Variants in PRKG1 observed in about 807,000 individuals in gnomAD.
PRKG1 encodes cGMP-dependent protein kinase 1.
A neutral mutation model predicts 88.1 loss-of-function variants in PRKG1; 35 were observed. The ratio of observed to expected loss-of-function variants is 0.40; its 90% CI spans 0.30 to 0.53. PRKG1 has a LOEUF of 0.53. PRKG1 is among the 20% of genes least tolerant of loss of function. The pLI, the probability that PRKG1 is intolerant of heterozygous loss-of-function variation, is 0.59. For missense variants in PRKG1, 540 were observed against 839.8 expected, an observed-to-expected ratio of 0.64 and a Z score of 4.41; for synonymous variants, 303 against 292.5, an observed-to-expected ratio of 1.04 and a Z score of -0.37.
At chr10:52,069,618 TTTGA>T (rs1846445310) in intron 7 of PRKG1, among the ~76,000 whole-genome samples, 1 of 152,190 alleles carries the variant, frequency 6.6e-6, no homozygotes, top group African/African-American at 2.4e-5. Context: ...CATATTTGAA[TTTGA>T]TTATTATTTA....
At chr10:51,887,670 C>T (rs1336650389) in intron 4 of PRKG1, among the ~76,000 whole-genome samples, 2 of 152,134 alleles carry the variant, frequency 1.3e-5, no homozygotes, top group Admixed American at 1.3e-4. Context: ...TTTAATTTTT[C>T]CAATAAGTTA....
At chr10:52,069,911 C>T (rs1366601918) in intron 7 of PRKG1, among the ~76,000 whole-genome samples, 2 of 150,992 alleles carry the variant, frequency 1.3e-5, no homozygotes, top group Non-Finnish European at 3.0e-5. Flanking sequence ...TATGTCATTC[C>T]TTCGTTTAGA....
rs1376381103 is a variant in PRKG1, at chr10:52,297,682, C to A, written c.*3782C>A. ...ATACAGGTATTCCTGTTTTGCTAAG[C>A]TGTGCAGATTCTGTAAAAATAAATT... On this transcript the variant is annotated 3_prime_UTR_variant, in exon 18 of 18. Coordinates refer to ENST00000373980, the MANE Select transcript of PRKG1 (RefSeq NM_006258.4). 3.3e-5 allele frequency: 5 copies of A among 152,114 alleles called. No homozygotes were observed. Among genetic ancestry groups the A allele is most frequent in the Admixed American group, 2.0e-4 (3 of 15,252 alleles). The allele number at this position is 152,114 out of a possible 1,614,324, so 9.4% of individuals were successfully genotyped here.
chr10:51,668,957 T>A (rs1436145132), intron 3 of PRKG1, among the ~76,000 whole-genome samples: 1 of 152,176 alleles, frequency 6.6e-6, no homozygotes, highest in Non-Finnish European at 1.5e-5. Context: ...CAAAATAATA[T>A]TTTATATCAG....
intron 3 of PRKG1, among the ~76,000 whole-genome samples, chr10:51,556,541 A>T (rs1238978840): frequency 6.6e-6 from 1 of 152,040 alleles, no homozygotes; most frequent in Non-Finnish European, 1.5e-5. Context: ...ATCACAGAAT[A>T]CTATATAGCC....
At chr10:51,798,278 G>T (rs376573310) in intron 3 of PRKG1, among the ~76,000 whole-genome samples, 3 of 151,912 alleles carry the variant, frequency 2.0e-5, no homozygotes, top group East Asian at 1.9e-4. Flanking sequence ...ATGCACAAGG[G>T]TTCCAATTTA....
intron 5 of PRKG1, among the ~76,000 whole-genome samples, chr10:51,932,036 A>G (rs1291183523): frequency 6.6e-6 from 1 of 152,138 alleles, no homozygotes; most frequent in African/African-American, 2.4e-5. Context: ...CTAATATGGA[A>G]ATTTAGCTGG....
intron 3 of PRKG1, 177 bp downstream of exon 3, chr10:51,468,013 C>G (rs986505637): frequency 5.2e-6 from 3 of 575,240 alleles, no homozygotes; most frequent in African/African-American, 3.7e-5. Flanking sequence ...TGTTAACAAT[C>G]AGTTTTGTAT....
intron 2 of PRKG1, among the ~76,000 whole-genome samples, chr10:51,417,971 G>A (rs931795219): frequency 5.3e-5 from 8 of 152,106 alleles, no homozygotes; most frequent in Non-Finnish European, 1.0e-4. Flanking sequence ...CATGTTTTAC[G>A]TTAACCTCCC....
chr10:51,861,100 C>T (rs1483075115), intron 4 of PRKG1, among the ~76,000 whole-genome samples: 1 of 152,094 alleles, frequency 6.6e-6, no homozygotes, highest in African/African-American at 2.4e-5. Flanking sequence ...ACCCATTTTA[C>T]AGGTGAGGGA....
At chr10:51,204,082 C>T (rs1455004513) in intron 2 of PRKG1, among the ~76,000 whole-genome samples, 1 of 152,124 alleles carries the variant, frequency 6.6e-6, no homozygotes, top group Non-Finnish European at 1.5e-5. Context: ...GACTTTAGTA[C>T]CTAGAAACTT....
intron 12 of PRKG1, among the ~76,000 whole-genome samples, chr10:52,273,827 A>G (rs1841795495): frequency 6.6e-6 from 1 of 152,168 alleles, no homozygotes; most frequent in African/African-American, 2.4e-5. Flanking sequence ...TAGAGATTAT[A>G]TACCAGGCAT....
intron 5 of PRKG1, among the ~76,000 whole-genome samples, chr10:52,044,019 G>T (rs900060790): frequency 6.6e-6 from 1 of 151,918 alleles, no homozygotes; most frequent in Non-Finnish European, 1.5e-5. Flanking sequence ...GGCAGCCAGT[G>T]CTAGGTCAAC....
intron 5 of PRKG1, among the ~76,000 whole-genome samples, chr10:51,985,659 T>C (rs1844135988): frequency 6.6e-6 from 1 of 152,202 alleles, no homozygotes; most frequent in Admixed American, 6.5e-5. Context: ...TAGCCACTTG[T>C]TTTCTATTTG....
At chr10:51,601,523 G>C (rs947234659) in intron 3 of PRKG1, among the ~76,000 whole-genome samples, 1 of 152,080 alleles carries the variant, frequency 6.6e-6, no homozygotes, top group Admixed American at 6.6e-5. Flanking sequence ...TATGTTGCCA[G>C]AACATCATTG....
At chr10:52,011,730 A>G (rs1348295251) in intron 5 of PRKG1, among the ~76,000 whole-genome samples, 2 of 152,088 alleles carry the variant, frequency 1.3e-5, no homozygotes, top group South Asian at 2.1e-4. Context: ...TCACCTCTTG[A>G]TATGGTTTGG....
intron 2 of PRKG1, among the ~76,000 whole-genome samples, chr10:51,172,406 TAAGAC>T (rs1473704980): frequency 1.3e-5 from 2 of 152,092 alleles, no homozygotes; most frequent in Non-Finnish European, 2.9e-5. Context: ...AACAAATTGT[TAAGAC>T]AATAAAGTAT....
intron 4 of PRKG1, among the ~76,000 whole-genome samples, chr10:51,834,642 C>CTGTCAAAAAGAAAGAAAGAAGGAAAGAA (rs1840081466): frequency 7.0e-6 from 1 of 142,110 alleles, no homozygotes; most frequent in Non-Finnish European, 1.5e-5. Context: ...CAGTGACACC[C>CTGTCAAAAAGAAAGAAAGAAGGAAAGAA]TGTCAAAAAG....
At chr10:51,817,916 G>A (rs762775666) in intron 4 of PRKG1, among the ~76,000 whole-genome samples, 1 of 151,834 alleles carries the variant, frequency 6.6e-6, no homozygotes, top group African/African-American at 2.4e-5. Context: ...GTAGTCAATT[G>A]CTTCTTAAAG....
Sources: gnomAD v4.1 joint callset for allele counts (sites outside exome capture counted in the v4.1 genomes callset) on GRCh38, gnomAD v4.1.1 for gene constraint, MANE v1.5 for transcripts, NCBI Gene and HGNC (gene_info 2026-07-23, HGNC 2026-07-21) for gene names.